Variants in LRRC58 observed in about 807,000 individuals in gnomAD.
The protein encoded by LRRC58 is leucine rich repeat containing 58.
A neutral mutation model predicts 30.6 loss-of-function variants in LRRC58; 18 were observed. That is an observed-to-expected ratio of 0.59 (90% CI 0.41 to 0.87). The LOEUF is 0.87. LRRC58 is among the 40% of genes least tolerant of loss of function. The pLI, the probability that LRRC58 is intolerant of heterozygous loss-of-function variation, is 0.00. For missense variants in LRRC58, 420 were observed against 468.4 expected (o/e 0.90, Z 0.95); for synonymous variants, 221 against 206.0 (o/e 1.07, Z -0.62).
Position 120,334,960 on chromosome 3 carries a change from A to G in LRRC58, c.809T>C (p.Ile270Thr). 6.2e-7 allele frequency: 1 copy of G among 1,613,886 alleles called. No individual in the cohort carries two copies. Among genetic ancestry groups the G allele is most frequent in the Non-Finnish European group, 8.5e-7 (1 of 1,179,846 alleles). ...PTLLELAART[I>T]KIRNISYTPY... is the part of the protein sequence containing the mutation. ...AGTGTAGGAAATATTTCGAATCTTA[A>G]TGGTCCGTGCAGCTAATTCCAGGAG... Residue 270 changes from isoleucine (I) to threonine (T), a missense_variant, in exon 3 of 4, where the codon ATT (isoleucine) becomes ACT (threonine). Ile to Thr is a moderately conservative substitution (Grantham distance 89). Around this residue, in one of 2 missense-constraint regions of LRRC58, gnomAD observed 154 missense variants for 216.8 expected, o/e 0.71. Coordinates refer to ENST00000295628, the MANE Select transcript of LRRC58 (RefSeq NM_001099678.2).
chr3:120,342,471 G>A (rs1295022241), intron 1 of LRRC58, among the ~76,000 whole-genome samples: 2 of 152,180 alleles, frequency 1.3e-5, no homozygotes, highest in African/African-American at 4.8e-5. Context: ...CCTGCCGGGA[G>A]AGAGGAACCA....
intron 1 of LRRC58, among the ~76,000 whole-genome samples, chr3:120,347,654 G>A: frequency 6.6e-6 from 1 of 151,508 alleles, no homozygotes; most frequent in East Asian, 1.9e-4. Flanking sequence ...GCCTCCCAAA[G>A]TGCTGGGATT....
rs1935654716 is a variant in LRRC58, at chr3:120,325,046, C to T, written c.*6154G>A. 1 of 152,166 alleles carries T rather than the reference C, an allele frequency of 6.6e-6. No homozygotes were observed. The highest frequency in any genetic ancestry group is 2.1e-4 in the South Asian group (1 of 4,826). 9.4% of individuals were successfully genotyped at this position (152,166 alleles called of 1,614,324 possible). A position where few individuals can be genotyped will look rare whatever the true frequency, so the allele number is the denominator to read the frequency against. On this transcript the variant is annotated 3_prime_UTR_variant, in exon 4 of 4. Coordinates refer to ENST00000295628, the MANE Select transcript of LRRC58 (RefSeq NM_001099678.2). ...AACTTACAATGCTGCTTATCTAAAA[C>T]TTTTCTCCCATTATGTTTTTGTTTC...
At chr3:120,335,274 T>A in intron 2 of LRRC58, 135 bp from the exon 3 acceptor site, 1 of 765,042 alleles carries the variant, frequency 1.3e-6, no homozygotes, top group East Asian at 2.7e-5. Context: ...TGAAGTAAAA[T>A]AAAAAGGTGC....
intron 3 of LRRC58, among the ~76,000 whole-genome samples, chr3:120,331,788 A>G (rs1044146349): frequency 6.6e-6 from 1 of 152,178 alleles, no homozygotes; most frequent in Non-Finnish European, 1.5e-5. Context: ...ACAAAACAAC[A>G]TAAAAACTCC....
intron 2 of LRRC58, 112 bp from the exon 3 acceptor site, chr3:120,335,251 G>C (rs1935819130): frequency 1.1e-6 from 1 of 893,688 alleles, no homozygotes; most frequent in Non-Finnish European, 1.7e-6. Context: ...GAGCAATTAA[G>C]ATTAAGGTCA....
At chr3:120,337,994 C>T (rs1935857095) in intron 1 of LRRC58, among the ~76,000 whole-genome samples, 2 of 152,110 alleles carry the variant, frequency 1.3e-5, no homozygotes, top group Non-Finnish European at 2.9e-5. Context: ...AGGTCCCTGC[C>T]ACCATGCCTG....
In LRRC58 at chr3:120,335,911, G is replaced by C; in HGVS notation, c.543C>G (p.Ile181Met). The C allele has an allele frequency of 6.3e-7, 1 of 1,598,432 alleles. No homozygotes were observed. Among genetic ancestry groups the C allele is most frequent in the Non-Finnish European group, 8.6e-7 (1 of 1,166,470 alleles). The change falls in exon 2 of 4, where the codon ATC becomes ATG. Residue 181 changes from isoleucine (I) to methionine (M), a missense_variant. By Grantham distance (10) the Ile-to-Met change is conservative. This residue lies in a region of LRRC58 where 266 missense variants were observed against 251.7 expected (regional missense o/e 1.06). Transcript: ENST00000295628. Reference protein sequence around the residue: ...LYLGGNFIKEIPPELGNLPSL... With the variant: ...LYLGGNFIKEMPPELGNLPSL... ...AAGGCAGATTTCCTAATTCTGGTGG[G>C]ATTTCTTTAATGAAATTTCCTCCAA...
At position 120,325,456 on chromosome 3, in the gene LRRC58, A is replaced by C. The variant is rs1935660916; in HGVS notation, c.*5744T>G. ...AACCTTCATTAAACTAATACACTTTAATATTTACTGGATTGAATACTATCC... is the reference window on the plus strand; with the variant it reads ...AACCTTCATTAAACTAATACACTTTCATATTTACTGGATTGAATACTATCC... On this transcript the variant is annotated 3_prime_UTR_variant, in exon 4 of 4. Coordinates refer to ENST00000295628, the MANE Select transcript of LRRC58 (RefSeq NM_001099678.2). 6.6e-6 allele frequency: 1 copy of C among 152,230 alleles called. No homozygotes were observed. The highest frequency in any genetic ancestry group is 2.4e-5 in the African/African-American group (1 of 41,468). The allele number at this position is 152,230 out of a possible 1,614,324, so 9.4% of individuals were successfully genotyped here. A position where few individuals can be genotyped will look rare whatever the true frequency, so the allele number is the denominator to read the frequency against.
At chr3:120,336,018 T>A in intron 1 of LRRC58, 65 bp from the exon 2 acceptor site, 1 of 1,198,156 alleles carries the variant, frequency 8.3e-7, no homozygotes, top group Non-Finnish European at 1.2e-6. Context: ...CCATTGTGTC[T>A]ACTACAAAAA....
intron 1 of LRRC58, among the ~76,000 whole-genome samples, chr3:120,341,601 G>C (rs544072705): frequency 6.6e-6 from 1 of 152,298 alleles, no homozygotes; most frequent in East Asian, 1.9e-4. Context: ...ATTAGGATTA[G>C]ATAAGGTCAA....
At position 120,348,728 on chromosome 3, in the gene LRRC58, G is replaced by A; in HGVS notation, c.500+16C>T. 6.5e-7 allele frequency: 1 copy of A among 1,544,918 alleles called. No individual in the cohort carries two copies. The highest frequency in any genetic ancestry group is 8.7e-7 in the Non-Finnish European group (1 of 1,143,358). On this transcript the variant is annotated intron_variant, in intron 1 of 3. Coordinates refer to ENST00000295628, the MANE Select transcript of LRRC58 (RefSeq NM_001099678.2). Reference sequence around the variant, plus strand: ...CCGCCCGAGGCCTCCCCACCCTCCGGCACACACCCGCTCACCTCTGCAAGT... The same window carrying A: ...CCGCCCGAGGCCTCCCCACCCTCCGACACACACCCGCTCACCTCTGCAAGT...
chr3:120,332,892 A>G (rs1358029196), intron 3 of LRRC58, among the ~76,000 whole-genome samples: 1 of 151,954 alleles, frequency 6.6e-6, no homozygotes, highest in Non-Finnish European at 1.5e-5. Context: ...TGGGACGACA[A>G]GCACATGCCA....
Position 120,326,221 on chromosome 3 carries a change from T to G in LRRC58, c.*4979A>C, listed in dbSNP as rs76734190. 6.6e-6 allele frequency: 1 copy of G among 152,044 alleles called. No individual in the cohort carries two copies. Among genetic ancestry groups the G allele is most frequent in the African/African-American group, 2.4e-5 (1 of 41,368 alleles). 9.4% of individuals were successfully genotyped at this position (152,044 alleles called of 1,614,324 possible). On this transcript the variant is annotated 3_prime_UTR_variant, in exon 4 of 4. Transcript: ENST00000295628. ...TCTTGCTCTGTCTCCCAGGCTGGAGTGCAATGGCATGATCTCGGCTCACTG... is the reference window on the plus strand; with the variant it reads ...TCTTGCTCTGTCTCCCAGGCTGGAGGGCAATGGCATGATCTCGGCTCACTG...
At chr3:120,331,834 A>C (rs773742732) in intron 3 of LRRC58, among the ~76,000 whole-genome samples, 5 of 152,086 alleles carry the variant, frequency 3.3e-5, no homozygotes, top group Non-Finnish European at 7.4e-5. Flanking sequence ...TATACGAAAA[A>C]TTTTCAGAAA....
In LRRC58 at chr3:120,335,080, T is replaced by C. The variant is rs1416372657; in HGVS notation, c.689A>G (p.Glu230Gly). The C allele has an allele frequency of 1.2e-6, 2 of 1,613,954 alleles. No individual in the cohort carries two copies. Among genetic ancestry groups the C allele is most frequent in the African/African-American group, 2.7e-5 (2 of 75,060 alleles). Residue 230 changes from glutamate (E) to glycine (G), a missense_variant, in exon 3 of 4, where the codon GAG (glutamate) becomes GGG (glycine). This residue lies in a region of LRRC58 where 154 missense variants were observed against 216.8 expected (regional missense o/e 0.71). Transcript: ENST00000295628. ...TTCCAAATGAATAAGGTTGAGGATC[T>C]CTCGAGGCAGATATGTCAGCAAGTT... ...HNNLLTYLPR[E>G]ILNLIHLEEL...
At chr3:120,336,592 T>C (rs964119434) in intron 1 of LRRC58, among the ~76,000 whole-genome samples, 1 of 152,158 alleles carries the variant, frequency 6.6e-6, no homozygotes, top group Non-Finnish European at 1.5e-5. Flanking sequence ...ATGAAGTCTC[T>C]ACATTTCTTC....
chr3:120,341,899 C>T (rs1935908820), intron 1 of LRRC58, among the ~76,000 whole-genome samples: 1 of 152,104 alleles, frequency 6.6e-6, no homozygotes, highest in Admixed American at 6.5e-5. Flanking sequence ...TGGATCTGAG[C>T]CTCCCTGTGC....
At chr3:120,339,608 A>G (rs951658) in intron 1 of LRRC58, among the ~76,000 whole-genome samples, 17,988 of 152,218 alleles carry the variant, frequency 0.12, 1,155 homozygotes, top group African/African-American at 0.16. Context: ...CACTACGAAG[A>G]TGCTGCTCCG....
Sources: allele counts gnomAD v4.1 joint callset (sites outside exome capture counted in the v4.1 genomes callset), GRCh38; gene constraint gnomAD v4.1.1; regional missense constraint gnomAD v4.1.1; transcripts MANE v1.5; gene names NCBI Gene and HGNC (gene_info 2026-07-23, HGNC 2026-07-21).